ZPBP: variants seen among roughly 807,000 people sequenced by gnomAD.
The protein encoded by ZPBP is zona pellucida binding protein.
A neutral mutation model predicts 44.8 loss-of-function variants in ZPBP; 26 were observed. The ratio of observed to expected loss-of-function variants is 0.58; its 90% CI spans 0.43 to 0.81. The LOEUF (loss-of-function observed/expected upper bound fraction) is 0.81. Among genes scored for constraint, ZPBP ranks in the 30% least tolerant of loss-of-function variants. The pLI is 0.00. For missense variants in ZPBP, 409 were observed against 434.0 expected, an observed-to-expected ratio of 0.94 and a Z score of 0.51; for synonymous variants, 174 against 153.2, an observed-to-expected ratio of 1.14 and a Z score of -1.00.
intron 7 of ZPBP, among the ~76,000 whole-genome samples, chr7:49,965,690 G>T (rs1440377503): frequency 1.3e-5 from 2 of 151,968 alleles, no homozygotes; most frequent in Non-Finnish European, 2.9e-5. Context: ...GTGTAGTGCA[G>T]GATTTGTGAC....
intron 6 of ZPBP, among the ~76,000 whole-genome samples, chr7:49,987,794 CTAAT>C (rs1274725792): frequency 1.3e-5 from 2 of 150,438 alleles, no homozygotes; most frequent in South Asian, 2.1e-4. Flanking sequence ...AAAAAGAGCT[CTAAT>C]TAACTGATTT....
intron 4 of ZPBP, among the ~76,000 whole-genome samples, chr7:50,034,966 G>C (rs1053471485): frequency 6.6e-6 from 1 of 152,206 alleles, no homozygotes; most frequent in Non-Finnish European, 1.5e-5. Context: ...AAATGGAGGG[G>C]ACCATTCTGC....
chr7:49,843,525 A>G, the ZPBP span, among the ~76,000 whole-genome samples: 2 of 152,226 alleles, frequency 1.3e-5, no homozygotes, highest in Non-Finnish European at 2.9e-5. Context: ...TAATTTGACT[A>G]TTTTACTCAA....
intron 7 of ZPBP, among the ~76,000 whole-genome samples, chr7:49,963,375 C>T (rs1471519169): frequency 6.6e-6 from 1 of 151,680 alleles, no homozygotes; most frequent in Admixed American, 6.6e-5. Flanking sequence ...CGATTTAACT[C>T]TTATGTATTT....
chr7:49,861,300 T>A (rs1790642219), intron 2 of ZPBP, among the ~76,000 whole-genome samples: 2 of 152,230 alleles, frequency 1.3e-5, no homozygotes, highest in South Asian at 4.1e-4. Flanking sequence ...TTGGCCATTA[T>A]TTTTGGAGAA....
chr7:50,090,799 A>G (rs1802953682), intron 1 of ZPBP, among the ~76,000 whole-genome samples: 1 of 152,004 alleles, frequency 6.6e-6, no homozygotes, highest in African/African-American at 2.4e-5. Context: ...CCTTTTTCAT[A>G]TAATGACTTA....
intron 7 of ZPBP, among the ~76,000 whole-genome samples, chr7:49,966,452 C>T (rs1796067098): frequency 6.6e-6 from 1 of 152,034 alleles, no homozygotes; most frequent in African/African-American, 2.4e-5. Context: ...GGCCATAAAA[C>T]ATTTTTCAAT....
At chr7:49,969,060 G>T (rs1400219244) in intron 7 of ZPBP, among the ~76,000 whole-genome samples, 3 of 151,400 alleles carry the variant, frequency 2.0e-5, no homozygotes, top group Non-Finnish European at 3.0e-5. Context: ...GCTGTAAAGA[G>T]ACCTGATGGA....
At chr7:49,962,528 T>C (rs1378737594) in intron 7 of ZPBP, among the ~76,000 whole-genome samples, 4 of 151,806 alleles carry the variant, frequency 2.6e-5, no homozygotes, top group Non-Finnish European at 4.4e-5. Flanking sequence ...CCACAACTAG[T>C]GTCATACTTA....
intron 6 of ZPBP, among the ~76,000 whole-genome samples, chr7:50,002,042 G>A (rs994303368): frequency 3.3e-5 from 5 of 152,022 alleles, no homozygotes; most frequent in African/African-American, 1.2e-4. Context: ...TTAATTTTTT[G>A]TAGAGACAGT....
intron 4 of ZPBP, among the ~76,000 whole-genome samples, chr7:50,043,275 A>C (rs536027477): frequency 5.3e-5 from 8 of 152,346 alleles, no homozygotes; most frequent in African/African-American, 1.9e-4. Context: ...AACTCTGTTC[A>C]GGGCTCTCAG....
intron 1 of ZPBP, among the ~76,000 whole-genome samples, chr7:49,931,121 G>A (rs1006714482): frequency 2.5e-4 from 38 of 152,278 alleles, no homozygotes; most frequent in African/African-American, 8.7e-4. Context: ...GGGCTTCCCC[G>A]CCATGTGGAA....
At chr7:49,851,847 C>T (rs1583678222) in intron 2 of ZPBP, among the ~76,000 whole-genome samples, 1 of 151,450 alleles carries the variant, frequency 6.6e-6, no homozygotes, top group East Asian at 1.9e-4. Context: ...CAGAGCAAGA[C>T]TCTGTCTAAA....
At position 49,877,501 on chromosome 7, in the gene ZPBP, T is replaced by A. The variant is rs1184964050; in HGVS notation, n.509+23617A>T. On this transcript the variant is annotated intron_variant and non_coding_transcript_variant, in intron 2 of 2. Transcript: ENST00000465922. ...AAAAAAATATATATATATATATATA[T>A]ATATATATATATATATAGTTATTTG... 2.1e-4 allele frequency among the ~76,000 whole-genome samples: 19 copies of A among 90,654 alleles called. 2 individuals carry two copies. Among genetic ancestry groups the A allele is most frequent in the East Asian group, 4.1e-4 (1 of 2,446 alleles). The allele number at this position is 90,654 out of a possible 152,430, so 59.5% of individuals were successfully genotyped here.
At chr7:50,010,659 C>T (rs1348552708) in intron 6 of ZPBP, among the ~76,000 whole-genome samples, 2 of 151,930 alleles carry the variant, frequency 1.3e-5, no homozygotes, top group Non-Finnish European at 2.9e-5. Flanking sequence ...AGTAAAAGAT[C>T]TCTACAGGAA....
At chr7:49,879,417 T>A (rs1383008863) in intron 2 of ZPBP, among the ~76,000 whole-genome samples, 3 of 152,172 alleles carry the variant, frequency 2.0e-5, no homozygotes, top group Non-Finnish European at 4.4e-5. Flanking sequence ...CATTATCTTA[T>A]CCGGAGAGGG....
intron 3 of ZPBP, among the ~76,000 whole-genome samples, chr7:50,075,980 T>C (rs951694731): frequency 3.9e-5 from 6 of 151,976 alleles, no homozygotes; most frequent in Admixed American, 1.3e-4. Flanking sequence ...ATATCTCTGA[T>C]GAATATTGAT....
At chr7:49,848,194 G>C (rs77142543), downstream of ZPBP, among the ~76,000 whole-genome samples, 1 of 152,168 alleles carries the variant, frequency 6.6e-6, no homozygotes, top group Admixed American at 6.5e-5. Flanking sequence ...TTTGAGTGAC[G>C]TATGAGTTTT....
intron 7 of ZPBP, among the ~76,000 whole-genome samples, chr7:49,970,856 T>TAATA (rs148724446): frequency 0.11 from 15,198 of 142,462 alleles, 1,231 homozygotes; most frequent in African/African-American, 0.22. Flanking sequence ...CTCTACAAAA[T>TAATA]AATAAATAAA....
Sources: allele counts gnomAD v4.1 joint callset (sites outside exome capture counted in the v4.1 genomes callset), GRCh38; gene constraint gnomAD v4.1.1; transcripts MANE v1.5; gene names NCBI Gene and HGNC (gene_info 2026-07-23, HGNC 2026-07-21).